The following ADGRA3 variants were observed in gnomAD, a reference collection of about 807,000 sequenced individuals.
ADGRA3 encodes adhesion G protein-coupled receptor A3, also known as G-protein coupled receptor 125.
ADGRA3 carries 56 observed loss-of-function variants against 119.8 expected under a neutral mutation model. The ratio of observed to expected loss-of-function variants is 0.47; its 90% CI spans 0.38 to 0.58. The LOEUF is 0.58. ADGRA3 is among the 20% of genes least tolerant of loss of function. The pLI is 0.00. For missense variants in ADGRA3, 1,516 were observed against 1,649.0 expected (o/e 0.92, Z 1.40); for synonymous variants, 607 against 623.8 (o/e 0.97, Z 0.40).
intron 4 of ADGRA3, among the ~76,000 whole-genome samples, chr4:22,454,112 C>T (rs893130867): frequency 2.0e-5 from 3 of 152,096 alleles, no homozygotes; most frequent in South Asian, 2.1e-4. Context: ...CTGTCTGCCT[C>T]GGCCTCGCAA....
chr4:22,502,085 C>G (rs962206437), intron 1 of ADGRA3, among the ~76,000 whole-genome samples: 3 of 152,150 alleles, frequency 2.0e-5, no homozygotes, highest in African/African-American at 7.2e-5. Flanking sequence ...AGCATAGCAT[C>G]CCCTAGGAGG....
At position 22,473,818 on chromosome 4, in the gene ADGRA3, C is replaced by T. The variant is rs921364290; in HGVS notation, c.283G>A (p.Glu95Lys). Residue 95 changes from glutamate (E) to lysine (K), a missense_variant, in exon 2 of 19, where the codon GAG (glutamate) becomes AAG (lysine). Transcript: ENST00000334304. ...CCAGAAAATGAGCCATTCTTCAGCT[C>T]GGATATCTTATTGTTACTCAGAATC... The part of the protein sequence containing the change: ...TLILSNNKIS[E>K]LKNGSFSGLS... 42 of 1,605,746 alleles carry T rather than the reference C, an allele frequency of 2.6e-5. No individual in the cohort carries two copies. Among genetic ancestry groups the T allele is most frequent in the Middle Eastern group, 1.7e-4 (1 of 6,034 alleles).
chr4:22,511,008 T>C lies in ADGRA3; in HGVS notation c.257+4520A>G, dbSNP rs140689602. On this transcript the variant is annotated intron_variant, in intron 1 of 18. Coordinates refer to ENST00000334304, the MANE Select transcript of ADGRA3 (RefSeq NM_145290.4). Reference sequence around the variant, plus strand: ...ACACTGGTGATGTCCAAAATAATTATTAGTTCTTTGATAACAAACATGAAG... The same window carrying C: ...ACACTGGTGATGTCCAAAATAATTACTAGTTCTTTGATAACAAACATGAAG... Among the ~76,000 whole-genome samples, 259 of 152,372 alleles carry C rather than the reference T, an allele frequency of 1.7e-3. 7 individuals are homozygous for C. The South Asian group carries it at 0.027, about 16-fold the overall frequency.
chr4:22,450,206 C>T (rs1716983673), intron 4 of ADGRA3, among the ~76,000 whole-genome samples: 1 of 150,740 alleles, frequency 6.6e-6, no homozygotes, highest in South Asian at 2.1e-4. Context: ...TCCTGTATCA[C>T]AATAAGCTCA....
At chr4:22,433,802 A>G (rs1295709362) in intron 10 of ADGRA3, among the ~76,000 whole-genome samples, 3 of 152,190 alleles carry the variant, frequency 2.0e-5, no homozygotes, top group African/African-American at 4.8e-5. Flanking sequence ...ACAATGGAGC[A>G]CAATATAATC....
chr4:22,487,661 CCAA>C (rs1718477823), intron 1 of ADGRA3, among the ~76,000 whole-genome samples: 1 of 152,132 alleles, frequency 6.6e-6, no homozygotes, highest in South Asian at 2.1e-4. Context: ...ACCATTGTCA[CCAA>C]CAAGAGAGCC....
intron 11 of ADGRA3, among the ~76,000 whole-genome samples, chr4:22,422,875 G>C (rs1384988937): frequency 2.0e-5 from 3 of 152,068 alleles, no homozygotes; most frequent in Admixed American, 6.6e-5. Flanking sequence ...AATCTGAGAG[G>C]GAAACTCCAC....
At chr4:22,443,968 C>T (rs908986936) in intron 6 of ADGRA3, among the ~76,000 whole-genome samples, 6 of 152,128 alleles carry the variant, frequency 3.9e-5, no homozygotes, top group African/African-American at 1.4e-4. Context: ...TGGGACCTCC[C>T]CCCATCACTT....
intron 2 of ADGRA3, among the ~76,000 whole-genome samples, chr4:22,470,655 G>C (rs1717827728): frequency 6.6e-6 from 1 of 152,092 alleles, no homozygotes; most frequent in South Asian, 2.1e-4. Context: ...TCATCTTCAG[G>C]ACTCTCTAAC....
chr4:22,480,801 G>GA (rs1718236663), intron 1 of ADGRA3, among the ~76,000 whole-genome samples: 1 of 152,132 alleles, frequency 6.6e-6, no homozygotes, highest in Non-Finnish European at 1.5e-5. Flanking sequence ...TGAAATACCA[G>GA]AAAGATGCAG....
intron 17 of ADGRA3, among the ~76,000 whole-genome samples, chr4:22,392,307 C>T (rs1454830174): frequency 1.3e-5 from 2 of 152,086 alleles, no homozygotes; most frequent in Admixed American, 6.5e-5. Flanking sequence ...CCTCACAACT[C>T]GAGGATGGGA....
chr4:22,492,630 GACATA>G (rs1412345131), intron 1 of ADGRA3, among the ~76,000 whole-genome samples: 3 of 152,156 alleles, frequency 2.0e-5, no homozygotes, highest in Non-Finnish European at 2.9e-5. Flanking sequence ...AAGAAACAGA[GACATA>G]ACATAAGAAA....
At position 22,438,245 on chromosome 4, in the gene ADGRA3, A is replaced by G. The variant is rs776291692; in HGVS notation, c.1085+11T>C. ...AATTAAACTTTTCCCCGTATTTTCCACAACACTGACCTGAAGTCACCTTTG... is the reference window on the plus strand; with the variant it reads ...AATTAAACTTTTCCCCGTATTTTCCGCAACACTGACCTGAAGTCACCTTTG... On this transcript the variant is annotated intron_variant, in intron 8 of 18. Transcript: ENST00000334304. The G allele has an allele frequency of 6.2e-7, 1 of 1,606,092 alleles. No individual in the cohort carries two copies. The highest frequency in any genetic ancestry group is 2.2e-5 in the East Asian group (1 of 44,790).
chr4:22,498,447 C>T (rs915000899), intron 1 of ADGRA3, among the ~76,000 whole-genome samples: 9 of 151,268 alleles, frequency 5.9e-5, no homozygotes, highest in East Asian at 2.0e-4. Flanking sequence ...GGTGAAACCT[C>T]GTCTCTACTA....
intron 7 of ADGRA3, among the ~76,000 whole-genome samples, chr4:22,440,348 A>G (rs2109069083): frequency 6.6e-6 from 1 of 152,326 alleles, no homozygotes; most frequent in East Asian, 1.9e-4. Flanking sequence ...AGTAGCTTCA[A>G]TTTCAACTCC....
chr4:22,473,785 G>T lies in ADGRA3; in HGVS notation c.316C>A (p.Leu106Ile). ...AAGAATACTCACAATCTTTCAAGGAGACTTAACCCAGAAAATGAGCCATTC... is the reference window on the plus strand; with the variant it reads ...AAGAATACTCACAATCTTTCAAGGATACTTAACCCAGAAAATGAGCCATTC... ...LKNGSFSGLS[L>I]LERLDLRNNL... Residue 106 changes from leucine to isoleucine, a missense_variant, in exon 2 of 19, where the codon CTC becomes ATC. Physicochemically the swap from Leu to Ile is conservative, Grantham distance 5. Transcript: ENST00000334304. The T allele has an allele frequency of 6.3e-7, 1 of 1,598,664 alleles. No homozygotes were observed. The highest frequency in any genetic ancestry group is 8.6e-7 in the Non-Finnish European group (1 of 1,168,702).
chr4:22,464,733 C>A lies in ADGRA3; in HGVS notation c.330-2925G>T, dbSNP rs181514753. On this transcript the variant is annotated intron_variant, in intron 2 of 18. Coordinates refer to ENST00000334304, the MANE Select transcript of ADGRA3 (RefSeq NM_145290.4). Reference sequence around the variant, plus strand: ...GGGCATGAATGGCCATAGGAAGAGTCCTCACCTGGAATGAAAACAGGATAT... The same window carrying A: ...GGGCATGAATGGCCATAGGAAGAGTACTCACCTGGAATGAAAACAGGATAT... 1.4e-4 allele frequency among the ~76,000 whole-genome samples: 21 copies of A among 152,330 alleles called. No homozygotes were observed. The East Asian group carries it at 3.7e-3, about 27-fold the overall frequency.
intron 12 of ADGRA3, 41 bp from the exon 13 acceptor site, chr4:22,413,855 G>T: frequency 7.4e-7 from 1 of 1,356,930 alleles, no homozygotes. Flanking sequence ...CACTACATTA[G>T]TACATAGAAA....
intron 17 of ADGRA3, among the ~76,000 whole-genome samples, chr4:22,389,556 GA>G (rs1178600156): frequency 6.6e-6 from 1 of 151,136 alleles, no homozygotes; most frequent in Non-Finnish European, 1.5e-5. Flanking sequence ...CCGGTGAACT[GA>G]AAAGTGCCTT....
Sources: gnomAD v4.1 joint callset for allele counts (sites outside exome capture counted in the v4.1 genomes callset) on GRCh38, gnomAD v4.1.1 for gene constraint, MANE v1.5 for transcripts, NCBI Gene and HGNC (gene_info 2026-07-23, HGNC 2026-07-21) for gene names.